Variants in NCF2 observed in about 807,000 individuals in gnomAD.
NCF2 encodes the protein neutrophil cytosolic factor 2, also known as neutrophil cytosol factor 2.
In NCF2, 45 loss-of-function variants were observed where a neutral mutation model predicts 70.9. That is an observed-to-expected ratio of 0.63 (90% CI 0.50 to 0.81). The LOEUF (loss-of-function observed/expected upper bound fraction) is 0.81. Among genes scored for constraint, NCF2 ranks in the 40% least tolerant of loss-of-function variants. NCF2 has a pLI of 0.00. For synonymous variants in NCF2, 203 were observed against 233.6 expected (o/e 0.87, Z 1.19); for missense variants, 522 against 631.6 (o/e 0.83, Z 1.86).
rs1380535112 is a variant in NCF2 at position 183,573,191 on chromosome 1, C to T, written c.603G>A (p.Lys201=). 1 of 1,613,998 alleles carries T rather than the reference C, an allele frequency of 6.2e-7. No homozygotes were observed. The highest frequency in any genetic ancestry group is 8.5e-7 in the Non-Finnish European group (1 of 1,179,986). ...GCTGAGCAATCCCACCTACCGTCGC[C>T]TTGCCTAGGTAATCCTTCTTGGCCA... The part of the protein sequence containing the change: ...AQLAKKDYLG[K]ATVVASVVDQ... The change falls in exon 5 of 15, where the codon AAG becomes AAA. Residue 201 remains lysine (K), a synonymous_variant. Transcript: ENST00000367535.
chr1:183,573,106 T>C (rs1313606588), intron 5 of NCF2, 79 bp downstream of exon 5: 1 of 1,303,924 alleles, frequency 7.7e-7, no homozygotes. Context: ...GGCTACCCTC[T>C]TCTCAAGAGT....
chr1:183,577,193 G>C (rs530584489), intron 3 of NCF2, among the ~76,000 whole-genome samples: 1 of 152,126 alleles, frequency 6.6e-6, no homozygotes, highest in African/African-American at 2.4e-5. Flanking sequence ...GGTCCTGCAC[G>C]GACAATGAAC....
intron 2 of NCF2, 62 bp downstream of exon 2, chr1:183,586,833 C>T (rs1673374292): frequency 6.7e-7 from 1 of 1,495,862 alleles, no homozygotes; most frequent in Non-Finnish European, 9.3e-7. Flanking sequence ...AAGCCCGCAA[C>T]ACTGAGACCC....
At chr1:183,591,111 C>T (rs1328029002), upstream of NCF2, among the ~76,000 whole-genome samples, 2 of 152,260 alleles carry the variant, frequency 1.3e-5, no homozygotes, top group African/African-American at 4.8e-5. Context: ...TGCATCCCCT[C>T]TCCACTGAAA....
chr1:183,579,766 A>G lies in NCF2; in HGVS notation c.258-2059T>C, dbSNP rs558896122. On this transcript the variant is annotated intron_variant, in intron 2 of 14. Coordinates refer to ENST00000367535, the MANE Select transcript of NCF2 (RefSeq NM_000433.4). ...AAAAAAAAAAAAAAAAAAAAAAAAGAGAATAATAACAGCATATACCTCACA... is the reference window on the plus strand; with the variant it reads ...AAAAAAAAAAAAAAAAAAAAAAAAGGGAATAATAACAGCATATACCTCACA... Among the ~76,000 whole-genome samples the G allele has an allele frequency of 4.1e-3, 590 of 142,758 alleles. 4 individuals carry two copies. Among genetic ancestry groups the G allele is most frequent in the Non-Finnish European group, 7.0e-3 (457 of 65,336 alleles). The allele number at this position is 142,758 out of a possible 152,430, so 93.7% of individuals were successfully genotyped here. A position where few individuals can be genotyped will look rare whatever the true frequency, so the allele number is the denominator to read the frequency against.
At chr1:183,595,156 CT>C (rs753970572), upstream of NCF2, among the ~76,000 whole-genome samples, 3 of 152,168 alleles carry the variant, frequency 2.0e-5, no homozygotes, top group Admixed American at 2.0e-4. Context: ...AAAGAACGCA[CT>C]TTTTTGCCGT....
At chr1:183,589,054 TG>T (rs1558108414) in intron 1 of NCF2, among the ~76,000 whole-genome samples, 1 of 151,940 alleles carries the variant, frequency 6.6e-6, no homozygotes, top group Non-Finnish European at 1.5e-5. Context: ...CAGCCAGAGG[TG>T]GGGGGTCCTG....
chr1:183,596,095 A>G, the NCF2 span, among the ~76,000 whole-genome samples: 1 of 151,920 alleles, frequency 6.6e-6, no homozygotes, highest in Non-Finnish European at 1.5e-5. Flanking sequence ...TCTCAACTAG[A>G]CTGTAAGCCC....
chr1:183,599,419 TTTCC>T, the NCF2 span, among the ~76,000 whole-genome samples: 1,487 of 131,792 alleles, frequency 0.011, 31 homozygotes, highest in Non-Finnish European at 0.016. Context: ...TCTTTCTTTC[TTTCC>T]TTCTTTCTTT....
intron 13 of NCF2, among the ~76,000 whole-genome samples, chr1:183,561,207 T>C (rs953308515): frequency 2.0e-5 from 3 of 152,242 alleles, no homozygotes; most frequent in Non-Finnish European, 2.9e-5. Context: ...CAGATGTGAA[T>C]CATAGAATTT....
At chr1:183,593,098 T>G (rs1463682997), upstream of NCF2, among the ~76,000 whole-genome samples, 5 of 152,220 alleles carry the variant, frequency 3.3e-5, no homozygotes, top group African/African-American at 1.2e-4. Flanking sequence ...CATGTGGCCC[T>G]TAATCACTCT....
chr1:183,566,744 T>TC (rs1368151449), intron 9 of NCF2, among the ~76,000 whole-genome samples, 176 bp downstream of exon 9: 3 of 152,234 alleles, frequency 2.0e-5, no homozygotes, highest in Non-Finnish European at 2.9e-5. Flanking sequence ...TGGGCTTTTT[T>TC]CCCCTCATTC....
intron 14 of NCF2, among the ~76,000 whole-genome samples, chr1:183,559,036 G>A (rs1022382537): frequency 3.3e-5 from 5 of 152,182 alleles, no homozygotes; most frequent in Admixed American, 6.5e-5. Context: ...GGCAAACCAC[G>A]AGTTGGAATG....
intron 5 of NCF2, among the ~76,000 whole-genome samples, chr1:183,572,287 C>T (rs931134677): frequency 9.9e-5 from 15 of 152,230 alleles, no homozygotes; most frequent in African/African-American, 3.6e-4. Flanking sequence ...CGGATTCAAG[C>T]GATTCTCCTG....
the NCF2 span, among the ~76,000 whole-genome samples, chr1:183,600,638 C>G: frequency 6.6e-6 from 1 of 151,660 alleles, no homozygotes; most frequent in Admixed American, 6.6e-5. Flanking sequence ...GGTCACAGTT[C>G]AACTACCAAC....
chr1:183,584,039 A>G (rs1673229863), intron 2 of NCF2, among the ~76,000 whole-genome samples: 2 of 152,140 alleles, frequency 1.3e-5, no homozygotes, highest in Admixed American at 1.3e-4. Flanking sequence ...TGGATTTAAG[A>G]AATATTTAAG....
At chr1:183,568,040 G>A (rs907305628) in intron 7 of NCF2, among the ~76,000 whole-genome samples, 11 of 151,958 alleles carry the variant, frequency 7.2e-5, no homozygotes, top group South Asian at 2.1e-4. Flanking sequence ...CTTTCCCCTC[G>A]GCCCATCCTT....
At chr1:183,556,477 G>C (rs1301112989) in intron 14 of NCF2, among the ~76,000 whole-genome samples, 1 of 152,154 alleles carries the variant, frequency 6.6e-6, no homozygotes, top group Non-Finnish European at 1.5e-5. Context: ...AAAGTTACCA[G>C]ATAGAGAAGA....
At chr1:183,567,991 A>G (rs1292491452) in intron 7 of NCF2, among the ~76,000 whole-genome samples, 1 of 152,066 alleles carries the variant, frequency 6.6e-6, no homozygotes, top group Non-Finnish European at 1.5e-5. Context: ...GCTGGTGTTC[A>G]GGTTTCAGGC....
Sources: allele counts gnomAD v4.1 joint callset (sites outside exome capture counted in the v4.1 genomes callset), GRCh38; gene constraint gnomAD v4.1.1; transcripts MANE v1.5; gene names NCBI Gene and HGNC (gene_info 2026-07-23, HGNC 2026-07-21).